Variants in GPATCH2 observed in about 807,000 individuals in gnomAD.
GPATCH2 encodes the protein G-patch domain containing 2, also known as G patch domain-containing protein 2.
Under a neutral mutation model 58.0 loss-of-function variants are expected in GPATCH2, and 51 were observed. The observed-to-expected ratio is 0.88, with a 90% confidence interval of 0.70 to 1.11. The LOEUF is 1.11. Among genes scored for constraint, GPATCH2 ranks in the 50% most tolerant of loss-of-function variants. The probability of loss-of-function intolerance (pLI) is 0.00; values close to 1 mark genes in which losing one functional copy is unlikely to be tolerated. For missense variants in GPATCH2, 625 were observed against 652.2 expected, an observed-to-expected ratio of 0.96 and a Z score of 0.45; for synonymous variants, 222 against 218.5, an observed-to-expected ratio of 1.02 and a Z score of -0.14.
chr1:217,605,278 G>A (rs1281471924), intron 5 of GPATCH2, among the ~76,000 whole-genome samples: 1 of 152,070 alleles, frequency 6.6e-6, no homozygotes, highest in East Asian at 1.9e-4. Flanking sequence ...ACAAATTATT[G>A]TGTTCAGGGT....
At position 217,514,909 on chromosome 1, in the gene GPATCH2, GA is replaced by G; in HGVS notation, c.1099-21del. ...GGGTACCTACAGGGAGATTTAAAAA[GA>G]AAAAATAAATTTCAGATTTGTTTAT... On this transcript the variant is annotated intron_variant, in intron 5 of 9. Transcript: ENST00000366935. 1 of 1,216,056 alleles carries G rather than the reference GA, an allele frequency of 8.2e-7. No individual in the cohort carries two copies. Among genetic ancestry groups the G allele is most frequent in the Non-Finnish European group, 1.2e-6 (1 of 822,164 alleles). The allele number at this position is 1,216,056 out of a possible 1,614,324, so 75.3% of individuals were successfully genotyped here.
At chr1:217,490,475 C>T (rs181046182) in intron 8 of GPATCH2, among the ~76,000 whole-genome samples, 121 of 152,200 alleles carry the variant, frequency 8.0e-4, no homozygotes, top group Middle Eastern at 6.8e-3. Flanking sequence ...CTGTTCCATT[C>T]TTTTCCTCAA....
intron 5 of GPATCH2, among the ~76,000 whole-genome samples, chr1:217,568,868 G>C (rs550027471): frequency 9.9e-5 from 15 of 152,280 alleles, no homozygotes; most frequent in Admixed American, 6.5e-5. Flanking sequence ...AGACCGTAGA[G>C]AGCAAAGGCA....
intron 5 of GPATCH2, among the ~76,000 whole-genome samples, chr1:217,597,377 T>C (rs1571625832): frequency 6.8e-6 from 1 of 147,180 alleles, no homozygotes; most frequent in Admixed American, 6.8e-5. Context: ...TCACAGAAGA[T>C]GAAAATCAAA....
At chr1:217,526,509 A>ATTAACTCATTTTTAAT (rs1263552146) in intron 5 of GPATCH2, among the ~76,000 whole-genome samples, 14 of 152,366 alleles carry the variant, frequency 9.2e-5, no homozygotes, top group South Asian at 2.1e-4. Flanking sequence ...TTAATTAAAA[A>ATTAACTCATTTTTAAT]GAGGTAAAAT....
At chr1:217,489,915 A>G (rs1464311353) in intron 8 of GPATCH2, among the ~76,000 whole-genome samples, 1 of 152,226 alleles carries the variant, frequency 6.6e-6, no homozygotes, top group Non-Finnish European at 1.5e-5. Flanking sequence ...TTTTTTTTAA[A>G]AAGTCCTACA....
intron 5 of GPATCH2, among the ~76,000 whole-genome samples, chr1:217,561,802 A>G (rs1025537553): frequency 6.6e-6 from 1 of 152,164 alleles, no homozygotes; most frequent in African/African-American, 2.4e-5. Flanking sequence ...CACAGCTCAC[A>G]GACACTCTCC....
At chr1:217,566,452 T>C (rs1038620051) in intron 5 of GPATCH2, among the ~76,000 whole-genome samples, 3 of 152,206 alleles carry the variant, frequency 2.0e-5, no homozygotes, top group African/African-American at 7.2e-5. Context: ...CCTTTTTGTA[T>C]ACTGAATTAA....
At chr1:217,476,520 CTG>C (rs1660976942) in intron 8 of GPATCH2, among the ~76,000 whole-genome samples, 1 of 152,164 alleles carries the variant, frequency 6.6e-6, no homozygotes, top group Non-Finnish European at 1.5e-5. Context: ...TGCCCCTACC[CTG>C]TCCCCCAGCA....
rs201360967 is a variant in GPATCH2 at position 217,449,258 on chromosome 1, T to G, written c.1357A>C (p.Thr453Pro). 3 of 1,577,822 alleles carry G rather than the reference T, an allele frequency of 1.9e-6. No individual in the cohort carries two copies. The East Asian group carries it at 6.7e-5, about 35-fold the overall frequency. The part of the protein sequence containing the change: ...RRKAAPLPGP[T>P]TAGFVGENAQ... ...CCTGCTTTTGTTTTACCTGCAGTAGTAGGTCCAGGCAAAGGTGCAGCTTTT... is the reference window on the plus strand; with the variant it reads ...CCTGCTTTTGTTTTACCTGCAGTAGGAGGTCCAGGCAAAGGTGCAGCTTTT... Residue 453 changes from threonine (T) to proline (P), a missense_variant, in exon 9 of 10, where the codon ACT becomes CCT. By Grantham distance (38) the Thr-to-Pro change is conservative (BLOSUM62 -1). Coordinates refer to ENST00000366935, the MANE Select transcript of GPATCH2 (RefSeq NM_018040.5).
Position 217,614,555 on chromosome 1 carries a change from C to A in GPATCH2, c.774-353G>T, listed in dbSNP as rs565891428. Among the ~76,000 whole-genome samples the A allele has an allele frequency of 2.0e-5, 3 of 152,074 alleles. No individual in the cohort carries two copies. The South Asian group carries it at 6.2e-4, about 32-fold the overall frequency. ...TCAGCTTGAGCCTGGAACACCACTG[C>A]TCAATAAAATGGGAAAAGTCTCAAT... On this transcript the variant is annotated intron_variant, in intron 2 of 9. Transcript: ENST00000366935.
chr1:217,562,155 G>A (rs976177102), intron 5 of GPATCH2, among the ~76,000 whole-genome samples: 3 of 152,186 alleles, frequency 2.0e-5, no homozygotes, highest in Admixed American at 1.3e-4. Flanking sequence ...GAGGAGACAA[G>A]TGGCTTAGAA....
rs1217458291 is a variant in GPATCH2 at position 217,452,672 on chromosome 1, C to CT, written c.1278-3336dup. ...GAACAACCAACTCCCTCTTCTAAAC[C>CT]TTTTTTTTTCCATCTGCTGGACCAA... is the stretch of plus-strand genomic sequence containing the variant. On this transcript the variant is annotated intron_variant, in intron 8 of 9. Transcript: ENST00000366935. 1.1e-4 allele frequency among the ~76,000 whole-genome samples: 17 copies of CT among 151,508 alleles called. No individual in the cohort carries two copies. The South Asian group carries it at 1.5e-3, about 13-fold the overall frequency.
chr1:217,570,427 TA>T (rs1295021818), intron 5 of GPATCH2, among the ~76,000 whole-genome samples: 1 of 152,184 alleles, frequency 6.6e-6, no homozygotes, highest in Non-Finnish European at 1.5e-5. Context: ...AATATGTATT[TA>T]AAAGGGATAT....
intron 8 of GPATCH2, among the ~76,000 whole-genome samples, chr1:217,449,905 C>T (rs1198378354): frequency 6.6e-6 from 1 of 152,032 alleles, no homozygotes; most frequent in African/African-American, 2.4e-5. Context: ...TAATGCTGGT[C>T]TACTGCTATT....
chr1:217,584,356 TATATATATAC>T (rs1387321901), intron 5 of GPATCH2, among the ~76,000 whole-genome samples: 1 of 81,436 alleles, frequency 1.2e-5, no homozygotes, highest in Non-Finnish European at 2.6e-5. Context: ...TATATATATA[TATATATATAC>T]ACACACACAA....
intron 5 of GPATCH2, among the ~76,000 whole-genome samples, chr1:217,530,563 T>C (rs968383186): frequency 6.6e-6 from 1 of 152,158 alleles, no homozygotes; most frequent in African/African-American, 2.4e-5. Flanking sequence ...GGAGGGTGTG[T>C]ACACAGAAAA....
intron 5 of GPATCH2, among the ~76,000 whole-genome samples, chr1:217,517,423 T>C (rs1261138807): frequency 6.6e-6 from 1 of 152,162 alleles, no homozygotes; most frequent in African/African-American, 2.4e-5. Context: ...CTGTGGCAAC[T>C]AGACACACTT....
intron 8 of GPATCH2, among the ~76,000 whole-genome samples, chr1:217,455,956 G>C (rs906812637): frequency 4.6e-5 from 7 of 152,028 alleles, no homozygotes; most frequent in Non-Finnish European, 7.4e-5. Flanking sequence ...GCTGGGGATA[G>C]TCAGAGAGGA....
Sources: gnomAD v4.1 joint callset for allele counts (sites outside exome capture counted in the v4.1 genomes callset) on GRCh38, gnomAD v4.1.1 for gene constraint, MANE v1.5 for transcripts, NCBI Gene and HGNC (gene_info 2026-07-23, HGNC 2026-07-21) for gene names.